The following PTBP3 variants were observed in gnomAD, a reference collection of about 807,000 sequenced individuals.
PTBP3 encodes the protein polypyrimidine tract-binding protein 3.
In PTBP3, 20 loss-of-function variants were observed where a neutral mutation model predicts 58.7. That is an observed-to-expected ratio of 0.34 (90% CI 0.24 to 0.50). The LOEUF (loss-of-function observed/expected upper bound fraction) is 0.50, where lower values mean the gene tolerates loss of function less well. PTBP3 is among the 20% of genes least tolerant of loss of function. The pLI is 0.98. For synonymous variants in PTBP3, 185 were observed against 219.8 expected, an observed-to-expected ratio of 0.84 and a Z score of 1.40; for missense variants, 509 against 637.2, an observed-to-expected ratio of 0.80 and a Z score of 2.17.
chr9:112,277,926 C>CATAACATAACATAAT (rs1564427518), intron 2 of PTBP3, among the ~76,000 whole-genome samples: 2 of 115,156 alleles, frequency 1.7e-5, no homozygotes, highest in East Asian at 5.3e-4. Context: ...CATAACATAA[C>CATAACATAACATAAT]ATAACATAAC....
At chr9:112,305,579 T>C (rs1829149776) in intron 1 of PTBP3, among the ~76,000 whole-genome samples, 1 of 152,190 alleles carries the variant, frequency 6.6e-6, no homozygotes, top group African/African-American at 2.4e-5. Context: ...GGACCCTGCC[T>C]TAGGCATTTC....
chr9:112,227,202 GA>G (rs1459688706), intron 12 of PTBP3, among the ~76,000 whole-genome samples: 1 of 152,114 alleles, frequency 6.6e-6, no homozygotes, highest in African/African-American at 2.4e-5. Flanking sequence ...TATTTGGAAA[GA>G]AAATTTTAAA....
intron 4 of PTBP3, 68 bp downstream of exon 4, chr9:112,267,981 T>C (rs1827172674): frequency 2.1e-6 from 3 of 1,396,194 alleles, no homozygotes; most frequent in South Asian, 3.1e-5. Context: ...TTTCTTCATC[T>C]GTAAAGTATG....
chr9:112,341,798 C>T, the PTBP3 span, among the ~76,000 whole-genome samples: 5 of 152,180 alleles, frequency 3.3e-5, no homozygotes, highest in Admixed American at 6.5e-5. Context: ...TCAGAAACTT[C>T]ACAAAATTCT....
chr9:112,342,577 A>T, the PTBP3 span, among the ~76,000 whole-genome samples: 1 of 152,130 alleles, frequency 6.6e-6, no homozygotes, highest in East Asian at 1.9e-4. Context: ...GTAGTCGAGC[A>T]TGGTGGCACA....
At chr9:112,321,296 C>T (rs1054010404) in intron 1 of PTBP3, among the ~76,000 whole-genome samples, 1 of 151,888 alleles carries the variant, frequency 6.6e-6, no homozygotes, top group African/African-American at 2.4e-5. Flanking sequence ...TTTGGGAGGC[C>T]GAGAGGGGTG....
At chr9:112,258,293 G>C (rs184178019) in intron 5 of PTBP3, among the ~76,000 whole-genome samples, 148 of 152,218 alleles carry the variant, frequency 9.7e-4, no homozygotes, top group African/African-American at 3.3e-3. Context: ...TAGTATGCAG[G>C]ACTGAGCATT....
chr9:112,270,277 G>T (rs1259328432), intron 3 of PTBP3, among the ~76,000 whole-genome samples: 1 of 151,954 alleles, frequency 6.6e-6, no homozygotes, highest in Non-Finnish European at 1.5e-5. Context: ...TAACACCCAT[G>T]TTACATTTTG....
intron 2 of PTBP3, among the ~76,000 whole-genome samples, chr9:112,294,195 C>T (rs1828567500): frequency 1.3e-5 from 2 of 151,952 alleles, no homozygotes; most frequent in African/African-American, 2.4e-5. Context: ...AGGAAGGAAC[C>T]GATTAAAGTA....
upstream of PTBP3, among the ~76,000 whole-genome samples, chr9:112,334,202 G>A (rs1263628100): frequency 2.0e-5 from 3 of 152,070 alleles, no homozygotes; most frequent in African/African-American, 7.2e-5. Flanking sequence ...TGGCTGGGAC[G>A]ATGAATGAGG....
chr9:112,340,335 G>A, the PTBP3 span, among the ~76,000 whole-genome samples: 4 of 151,916 alleles, frequency 2.6e-5, no homozygotes, highest in Admixed American at 2.0e-4. Flanking sequence ...TTACCAATTC[G>A]TTATTTATTA....
intron 1 of PTBP3, among the ~76,000 whole-genome samples, chr9:112,328,962 T>G (rs1302818147): frequency 6.6e-6 from 1 of 152,232 alleles, no homozygotes; most frequent in Non-Finnish European, 1.5e-5. Context: ...AGATGAATTA[T>G]TTCTTTCTAC....
chr9:112,363,843 T>C, the PTBP3 span, among the ~76,000 whole-genome samples: 2 of 152,214 alleles, frequency 1.3e-5, no homozygotes, highest in East Asian at 1.9e-4. Flanking sequence ...TAAACCAACA[T>C]TGACATATCA....
chr9:112,310,411 G>C (rs1829425566), intron 1 of PTBP3, among the ~76,000 whole-genome samples: 1 of 152,128 alleles, frequency 6.6e-6, no homozygotes, highest in Non-Finnish European at 1.5e-5. Context: ...CAATCAAAAA[G>C]ACATTCATTT....
At chr9:112,282,643 AT>A (rs1024960341) in intron 2 of PTBP3, among the ~76,000 whole-genome samples, 40 of 146,302 alleles carry the variant, frequency 2.7e-4, no homozygotes, top group Admixed American at 2.7e-4. Flanking sequence ...GTTTATTTTT[AT>A]TTTTTTTTTT....
intron 1 of PTBP3, among the ~76,000 whole-genome samples, chr9:112,306,071 C>A: frequency 6.6e-6 from 1 of 152,220 alleles, no homozygotes; most frequent in East Asian, 1.9e-4. Flanking sequence ...GATGTAAGGG[C>A]AGTCTTGCAT....
At chr9:112,230,601 C>T (rs1314796623) in intron 10 of PTBP3, among the ~76,000 whole-genome samples, 1 of 152,126 alleles carries the variant, frequency 6.6e-6, no homozygotes, top group Non-Finnish European at 1.5e-5. Context: ...GATTTATCTT[C>T]TTCAGCTATG....
At chr9:112,267,515 T>A (rs563313747) in intron 4 of PTBP3, among the ~76,000 whole-genome samples, 1 of 152,354 alleles carries the variant, frequency 6.6e-6, no homozygotes, top group Non-Finnish European at 1.5e-5. Context: ...CAAATTATTA[T>A]ACTATTTTTA....
Position 112,258,368 on chromosome 9 carries a change from T to C in PTBP3, c.516+4067A>G, listed in dbSNP as rs1836459686. Among the ~76,000 whole-genome samples the C allele has an allele frequency of 2.0e-5, 3 of 152,206 alleles. No homozygotes were observed. The South Asian group carries it at 6.2e-4, about 32-fold the overall frequency. On this transcript the variant is annotated intron_variant, in intron 5 of 13. Coordinates refer to ENST00000374257, the MANE Select transcript of PTBP3 (RefSeq NM_001163788.4). The stretch of plus-strand genomic sequence containing the variant: ...TCTGAGATGATGTCATCCAGTCCAA[T>C]GGCTTTAATTACCACACCTACGCTG...
Sources: gnomAD v4.1 joint callset for allele counts (sites outside exome capture counted in the v4.1 genomes callset) on GRCh38, gnomAD v4.1.1 for gene constraint, MANE v1.5 for transcripts, NCBI Gene and HGNC (gene_info 2026-07-23, HGNC 2026-07-21) for gene names.